TRAPPC9: variants seen among roughly 807,000 people sequenced by gnomAD.
TRAPPC9 encodes the protein IKK2 binding protein.
TRAPPC9 carries 83 observed loss-of-function variants against 124.0 expected under a neutral mutation model. The ratio of observed to expected loss-of-function variants is 0.67; its 90% CI spans 0.56 to 0.80. TRAPPC9 has a LOEUF of 0.80. Ranked by LOEUF, TRAPPC9 falls within the 30% of genes least tolerant of loss-of-function variation. The probability of loss-of-function intolerance (pLI) is 0.00; values close to 1 mark genes in which losing one functional copy is unlikely to be tolerated. For synonymous variants in TRAPPC9, 638 were observed against 617.5 expected (o/e 1.03, Z -0.49); for missense variants, 1,302 against 1,508.3 (o/e 0.86, Z 2.27).
At chr8:139,892,751 C>T (rs1185732826) in intron 20 of TRAPPC9, among the ~76,000 whole-genome samples, 1 of 152,212 alleles carries the variant, frequency 6.6e-6, no homozygotes, top group East Asian at 1.9e-4. Context: ...TTGGGTACTC[C>T]TCCACTATAG....
At chr8:139,959,691 A>G (rs558457696) in intron 19 of TRAPPC9, among the ~76,000 whole-genome samples, 2 of 152,322 alleles carry the variant, frequency 1.3e-5, no homozygotes, top group Admixed American at 1.3e-4. Flanking sequence ...TCAAGCTACA[A>G]TTACAGGCAC....
At chr8:140,224,822 C>T (rs114882874) in intron 16 of TRAPPC9, among the ~76,000 whole-genome samples, 254 of 152,288 alleles carry the variant, frequency 1.7e-3, no homozygotes, top group African/African-American at 5.5e-3. Flanking sequence ...AAAGCAAGTA[C>T]GTCTTCCTCA....
At chr8:140,129,588 T>C (rs1337951079) in intron 17 of TRAPPC9, among the ~76,000 whole-genome samples, 1 of 151,888 alleles carries the variant, frequency 6.6e-6, no homozygotes, top group African/African-American at 2.4e-5. Flanking sequence ...CAGGGGGCAG[T>C]AGAGGCGATG....
rs544377128 is a variant in TRAPPC9 at position 140,090,458 on chromosome 8, C to T, written c.2557-66379G>A. 3.3e-5 allele frequency among the ~76,000 whole-genome samples: 5 copies of T among 152,338 alleles called. No individual in the cohort carries two copies. In the East Asian group the frequency reaches 9.6e-4, roughly 29 times the overall value. ...AGGCAAGTTTCATTTCTTCACCTGA[C>T]ATTAAACAGCTTATACTCTTAAAAA... On this transcript the variant is annotated intron_variant, in intron 17 of 22. Transcript: ENST00000438773.
chr8:139,870,485 T>C (rs985085895), intron 21 of TRAPPC9, among the ~76,000 whole-genome samples: 5 of 152,180 alleles, frequency 3.3e-5, no homozygotes, highest in Non-Finnish European at 5.9e-5. Flanking sequence ...TTTGTTGCCA[T>C]CATGCTTATA....
Position 139,808,375 on chromosome 8 carries a change from C to T in TRAPPC9, c.3056-76173G>A, listed in dbSNP as rs1289360289. Among the ~76,000 whole-genome samples the T allele has an allele frequency of 3.3e-5, 5 of 152,284 alleles. 1 individual carries two copies. Among genetic ancestry groups the T allele is most frequent in the Middle Eastern group, 6.8e-3 (2 of 294 alleles). ...ACTCAAGGGGCTGAGGCAGGAGAAT[C>T]GCTTGAATCCAGGAGGTGAAGGTTG... On this transcript the variant is annotated intron_variant, in intron 21 of 22. Coordinates refer to ENST00000438773, the MANE Select transcript of TRAPPC9 (RefSeq NM_001160372.4).
intron 9 of TRAPPC9, among the ~76,000 whole-genome samples, chr8:140,323,558 G>A (rs77935361): frequency 0.015 from 2,351 of 152,150 alleles, 61 homozygotes; most frequent in African/African-American, 0.053. Context: ...ACACCCAGCT[G>A]GTATCTGTTG....
chr8:139,804,135 AC>A (rs1823780669), intron 21 of TRAPPC9, among the ~76,000 whole-genome samples: 4 of 113,828 alleles, frequency 3.5e-5, no homozygotes, highest in South Asian at 3.1e-4. Flanking sequence ...CCACACACAC[AC>A]CCACCACCAC....
intron 21 of TRAPPC9, among the ~76,000 whole-genome samples, chr8:139,831,763 G>T (rs1271332600): frequency 6.6e-6 from 1 of 152,214 alleles, no homozygotes; most frequent in African/African-American, 2.4e-5. Flanking sequence ...CAGTGAAAGT[G>T]TTACTCTCCT....
intron 11 of TRAPPC9, among the ~76,000 whole-genome samples, chr8:140,294,983 G>A (rs546697571): frequency 6.6e-6 from 1 of 152,034 alleles, no homozygotes; most frequent in Admixed American, 6.5e-5. Context: ...ACACGGTGGT[G>A]GCCCTTCCTC....
At chr8:140,275,978 T>C (rs1165866820) in intron 14 of TRAPPC9, among the ~76,000 whole-genome samples, 157 bp from the exon 15 acceptor site, 1 of 152,198 alleles carries the variant, frequency 6.6e-6, no homozygotes, top group African/African-American at 2.4e-5. Flanking sequence ...TATCCAGCTC[T>C]CAGGAATGGA....
chr8:140,291,858 C>T (rs908516599), intron 11 of TRAPPC9, among the ~76,000 whole-genome samples: 3 of 152,158 alleles, frequency 2.0e-5, no homozygotes, highest in South Asian at 2.1e-4. Flanking sequence ...AAAGCAGCAC[C>T]GGCAGACAGC....
At chr8:140,041,593 G>A (rs541359696) in intron 17 of TRAPPC9, among the ~76,000 whole-genome samples, 4 of 152,352 alleles carry the variant, frequency 2.6e-5, no homozygotes, top group African/African-American at 9.6e-5. Context: ...CTTCTGCAGG[G>A]GATGGGGAGA....
rs2070436622 is a variant in TRAPPC9, at chr8:140,426,746, T to G, written c.860-105A>C. ...AATTCACATAGCCTAGAGAAAAATCTGACTTGTATCTGATCAGAAAAGCAA... is the reference window on the plus strand; with the variant it reads ...AATTCACATAGCCTAGAGAAAAATCGGACTTGTATCTGATCAGAAAAGCAA... On this transcript the variant is annotated intron_variant, in intron 4 of 22. Coordinates refer to ENST00000438773, the MANE Select transcript of TRAPPC9 (RefSeq NM_001160372.4). 3.4e-6 allele frequency: 4 copies of G among 1,169,732 alleles called. No homozygotes were observed. In the Admixed American group the frequency reaches 7.3e-5, roughly 21 times the overall value. 72.5% of individuals were successfully genotyped at this position (1,169,732 alleles called of 1,614,324 possible). A position where few individuals can be genotyped will look rare whatever the true frequency, so the allele number is the denominator to read the frequency against.
intron 18 of TRAPPC9, among the ~76,000 whole-genome samples, chr8:139,996,121 G>T (rs564553513): frequency 2.2e-4 from 1 of 4,470 alleles, no homozygotes; most frequent in African/African-American, 8.5e-4. Context: ...AAATCTCAGC[G>T]AAAAAGAAGA....
chr8:140,421,558 A>G (rs1276057616), intron 5 of TRAPPC9, among the ~76,000 whole-genome samples: 2 of 152,328 alleles, frequency 1.3e-5, no homozygotes, highest in East Asian at 1.9e-4. Flanking sequence ...CAAACAACAG[A>G]TACTGTTGTC....
At chr8:140,336,303 T>C (rs1224400015) in intron 9 of TRAPPC9, among the ~76,000 whole-genome samples, 1 of 152,166 alleles carries the variant, frequency 6.6e-6, no homozygotes, top group African/African-American at 2.4e-5. Flanking sequence ...ATATTCCTAC[T>C]GTGTATAGTC....
intron 21 of TRAPPC9, among the ~76,000 whole-genome samples, chr8:139,801,499 C>T (rs1331815060): frequency 6.6e-6 from 1 of 152,186 alleles, no homozygotes; most frequent in Non-Finnish European, 1.5e-5. Context: ...GTGGCTGGAG[C>T]TCCTGCCCCG....
In TRAPPC9 at chr8:140,125,587, C is replaced by CTTTTT. The variant is rs11292333; in HGVS notation, c.2556+95867_2556+95871dup. On this transcript the variant is annotated intron_variant, in intron 17 of 22. Transcript: ENST00000438773. ...GCATGTTCATTTATCGAATCTCATT[C>CTTTTT]TTTTTTTTTTTTTTTTTTTTTTTTT... is the stretch of plus-strand genomic sequence containing the variant. Among the ~76,000 whole-genome samples, 272 of 67,814 alleles carry CTTTTT rather than the reference C, an allele frequency of 4.0e-3. 6 individuals are homozygous for CTTTTT. Among genetic ancestry groups the CTTTTT allele is most frequent in the Middle Eastern group, 0.019 (1 of 54 alleles). 44.5% of individuals were successfully genotyped at this position (67,814 alleles called of 152,430 possible). A position where few individuals can be genotyped will look rare whatever the true frequency, so the allele number is the denominator to read the frequency against.
Sources: allele counts gnomAD v4.1 joint callset (sites outside exome capture counted in the v4.1 genomes callset), GRCh38; gene constraint gnomAD v4.1.1; transcripts MANE v1.5; gene names NCBI Gene and HGNC (gene_info 2026-07-23, HGNC 2026-07-21).